The following IFRD1 variants were observed in gnomAD, a reference collection of about 807,000 sequenced individuals.
IFRD1 encodes the protein interferon-related developmental regulator 1.
A neutral mutation model predicts 52.9 loss-of-function variants in IFRD1; 35 were observed. The ratio of observed to expected loss-of-function variants is 0.66; its 90% CI spans 0.51 to 0.88. The LOEUF is 0.88. IFRD1 is among the 40% of genes least tolerant of loss of function. IFRD1 has a pLI of 0.00. For missense variants in IFRD1, 517 were observed against 550.8 expected (o/e 0.94, Z 0.61); for synonymous variants, 184 against 188.4 (o/e 0.98, Z 0.19).
upstream of IFRD1, among the ~76,000 whole-genome samples, chr7:112,448,515 C>G (rs2117273866): frequency 6.6e-6 from 1 of 152,344 alleles, no homozygotes; most frequent in African/African-American, 2.4e-5. Context: ...ACATCTCATT[C>G]TGTATAGGCC....
intron 8 of IFRD1, among the ~76,000 whole-genome samples, chr7:112,463,878 A>C (rs1795534664): frequency 2.2e-5 from 1 of 44,560 alleles, no homozygotes; most frequent in Non-Finnish European, 5.1e-5. Context: ...ACACACACAC[A>C]CACACACACA....
At chr7:112,437,650 C>T (rs937586481) in intron 1 of IFRD1, among the ~76,000 whole-genome samples, 3 of 151,364 alleles carry the variant, frequency 2.0e-5, no homozygotes, top group African/African-American at 7.3e-5. Context: ...ATGCTACTTC[C>T]CCATAATGGA....
At chr7:112,468,707 C>T (rs1332045704) in intron 9 of IFRD1, among the ~76,000 whole-genome samples, 1 of 152,116 alleles carries the variant, frequency 6.6e-6, no homozygotes, top group Non-Finnish European at 1.5e-5. Context: ...ACCATCTTGG[C>T]CAGGCTGGTC....
chr7:112,470,737 A>G (rs1295631519), intron 9 of IFRD1, among the ~76,000 whole-genome samples: 2 of 152,232 alleles, frequency 1.3e-5, no homozygotes, highest in South Asian at 2.1e-4. Flanking sequence ...CATATAACCT[A>G]TGCACGTATA....
chr7:112,472,837 G>A lies in IFRD1; in HGVS notation c.1242G>A (p.Thr414=), dbSNP rs11542468. 119,148 of 1,611,786 alleles carry A rather than the reference G, an allele frequency of 0.074. 5,043 individuals are homozygous for A. Among genetic ancestry groups the A allele is most frequent in the Middle Eastern group, 0.11 (695 of 6,060 alleles). The change falls in exon 11 of 12, where the codon ACG becomes ACA. Residue 414 remains threonine (T), a synonymous_variant. Transcript: ENST00000403825. ...TGCTTGATGCTGCAACGCTTAAAAC[G>A]ATGAAGATTTCTCGTTTCGAAAGGG... ...PVMLDAATLK[T]MKISRFERHL... is the part of the protein sequence containing the mutation.
intron 1 of IFRD1, among the ~76,000 whole-genome samples, chr7:112,429,906 A>G (rs1402738964): frequency 6.6e-6 from 1 of 152,200 alleles, no homozygotes; most frequent in Non-Finnish European, 1.5e-5. Flanking sequence ...AAAATATAGA[A>G]TGTTACTATT....
Position 112,440,413 on chromosome 7 carries a change from CAATT to C in IFRD1, c.-181-10092_-181-10089del, listed in dbSNP as rs530643850. Among the ~76,000 whole-genome samples, 535 of 152,244 alleles carry C rather than the reference CAATT, an allele frequency of 3.5e-3. 4 individuals carry two copies. The highest frequency in any genetic ancestry group is 0.012 in the African/African-American group (515 of 41,552). The stretch of plus-strand genomic sequence containing the variant: ...GTTTTCTCTCTTGATTTTAATAAAA[CAATT>C]AACATAATTATAATTTAAAGACTAT... On this transcript the variant is annotated intron_variant, in intron 1 of 12. Transcript: ENST00000005558.
At chr7:112,433,398 T>C (rs1051723390) in intron 1 of IFRD1, among the ~76,000 whole-genome samples, 2 of 152,150 alleles carry the variant, frequency 1.3e-5, no homozygotes, top group African/African-American at 4.8e-5. Flanking sequence ...GATGAGCCAG[T>C]TTATCCATCT....
chr7:112,435,606 G>C (rs1261870486), intron 1 of IFRD1: 1 of 147,608 alleles, frequency 6.8e-6, no homozygotes, highest in Non-Finnish European at 1.5e-5. Context: ...AACTGAGCCA[G>C]AGGAATCTGC....
chr7:112,450,718 C>T lies in IFRD1; in HGVS notation c.30C>T (p.Pro10=), dbSNP rs762469161. 1.9e-6 allele frequency: 3 copies of T among 1,612,922 alleles called. No individual in the cohort carries two copies. The highest frequency in any genetic ancestry group is 2.2e-5 in the South Asian group (2 of 91,066). The change falls in exon 1 of 12, where the codon CCC becomes CCT. Residue 10 remains proline (P), a synonymous_variant. Coordinates refer to ENST00000403825, the MANE Select transcript of IFRD1 (RefSeq NM_001550.4). ...CGAAGAACAAGAAGCGGAACACTCC[C>T]CACCGCGGTAGCAGTGCTGGCGGCG... MPKNKKRNT[P]HRGSSAGGGG... is the part of the protein sequence containing the mutation.
chr7:112,457,322 C>T (rs1315325127), intron 4 of IFRD1: 7 of 541,042 alleles, frequency 1.3e-5, no homozygotes, highest in African/African-American at 1.9e-5. Flanking sequence ...CTTGTTATAC[C>T]AGAAAAGCTT....
Position 112,476,192 on chromosome 7 carries a change from AG to A in IFRD1, c.*674del, listed in dbSNP as rs1344933404. 3 of 152,296 alleles carry A rather than the reference AG, an allele frequency of 2.0e-5. No individual in the cohort carries two copies. Among genetic ancestry groups the A allele is most frequent in the Non-Finnish European group, 4.4e-5 (3 of 68,098 alleles). 9.4% of individuals were successfully genotyped at this position (152,296 alleles called of 1,614,324 possible). A position where few individuals can be genotyped will look rare whatever the true frequency, so the allele number is the denominator to read the frequency against. The stretch of plus-strand genomic sequence containing the variant: ...AATAAAGATTTTTTTCCACACTGAA[AG>A]TGCTTCTCTTCTAATAGAAGAAATA... On this transcript the variant is annotated 3_prime_UTR_variant, in exon 12 of 12. Coordinates refer to ENST00000403825, the MANE Select transcript of IFRD1 (RefSeq NM_001550.4).
chr7:112,429,360 G>A (rs1454058562), intron 1 of IFRD1, among the ~76,000 whole-genome samples: 3 of 152,178 alleles, frequency 2.0e-5, no homozygotes, highest in Admixed American at 6.5e-5. Context: ...TTTTGGTCAC[G>A]TTAAGTCAAA....
chr7:112,434,495 C>T (rs1046350721), intron 1 of IFRD1, among the ~76,000 whole-genome samples: 1 of 152,004 alleles, frequency 6.6e-6, no homozygotes, highest in Non-Finnish European at 1.5e-5. Context: ...ATATACTGTA[C>T]CTAATATGAT....
At chr7:112,474,292 A>G (rs1039550042) in intron 11 of IFRD1, among the ~76,000 whole-genome samples, 1 of 152,168 alleles carries the variant, frequency 6.6e-6, no homozygotes, top group African/African-American at 2.4e-5. Context: ...GGGTCAGATG[A>G]TAGTTTTACA....
At chr7:112,441,441 A>G (rs907731154) in intron 1 of IFRD1, among the ~76,000 whole-genome samples, 16 of 47,916 alleles carry the variant, frequency 3.3e-4, no homozygotes, top group African/African-American at 4.9e-4. Flanking sequence ...ACCATCTCAG[A>G]AAAAAAAAAA....
At chr7:112,432,130 A>T (rs1289477047) in intron 1 of IFRD1, among the ~76,000 whole-genome samples, 2 of 152,218 alleles carry the variant, frequency 1.3e-5, no homozygotes, top group Non-Finnish European at 2.9e-5. Context: ...CAAGGACTTT[A>T]CATATCCTAT....
At chr7:112,455,650 A>T in intron 1 of IFRD1, 113 bp from the exon 2 acceptor site, 4 of 723,246 alleles carry the variant, frequency 5.5e-6, no homozygotes, top group Non-Finnish European at 9.9e-6. Flanking sequence ...TTATAAAATG[A>T]GTCTGTGGTT....
At chr7:112,448,125 T>TAAA (rs1563262635), upstream of IFRD1, among the ~76,000 whole-genome samples, 1 of 55,018 alleles carries the variant, frequency 1.8e-5, no homozygotes. Flanking sequence ...GCCTGTAGAT[T>TAAA]TAAAAAAAAA....
Sources: gnomAD v4.1 joint callset for allele counts (sites outside exome capture counted in the v4.1 genomes callset) on GRCh38, gnomAD v4.1.1 for gene constraint, MANE v1.5 for transcripts, NCBI Gene and HGNC (gene_info 2026-07-23, HGNC 2026-07-21) for gene names.